Variants in HIPK4 observed in about 807,000 individuals in gnomAD.
HIPK4 encodes the protein homeodomain-interacting protein kinase 4.
Under a neutral mutation model 44.8 loss-of-function variants are expected in HIPK4, and 26 were observed. The ratio of observed to expected loss-of-function variants is 0.58; its 90% CI spans 0.43 to 0.80. HIPK4 has a LOEUF of 0.80. Ranked by LOEUF, HIPK4 falls within the 30% of genes least tolerant of loss-of-function variation. HIPK4 has a pLI of 0.00. For synonymous variants in HIPK4, 340 were observed against 355.5 expected (o/e 0.96, Z 0.49); for missense variants, 729 against 862.6 (o/e 0.85, Z 1.94).
At chr19:40,382,607 C>G (rs1053941884) in intron 2 of HIPK4, among the ~76,000 whole-genome samples, 2 of 152,132 alleles carry the variant, frequency 1.3e-5, no homozygotes, top group African/African-American at 4.8e-5. Context: ...CAGTTTCTCC[C>G]CCAGATCTAT....
Position 40,389,873 on chromosome 19 carries a change from G to A in HIPK4, c.30C>T (p.Cys10=). The A allele has an allele frequency of 1.9e-6, 3 of 1,611,012 alleles. No individual in the cohort carries two copies. The highest frequency in any genetic ancestry group is 2.5e-6 in the Non-Finnish European group (3 of 1,179,962). The part of the protein sequence containing the change: MSTIQSETD[C]YDIIEVLGKG... ...TGCCCAAGACCTCGATGATGTCGTA[G>A]CAGTCAGTCTCCGACTGGATGGTGG... Residue 10 remains cysteine, a synonymous_variant, in exon 1 of 4, where the codon TGC becomes TGT. Transcript: ENST00000291823. The surrounding 1 kb of genome is among the most constrained non-coding windows in gnomAD (Gnocchi z 4.6).
At chr19:40,382,609 C>T (rs1325398484) in intron 2 of HIPK4, among the ~76,000 whole-genome samples, 3 of 152,134 alleles carry the variant, frequency 2.0e-5, no homozygotes, top group South Asian at 2.1e-4. Context: ...GTTTCTCCCC[C>T]AGATCTATCT....
chr19:40,389,864 G>A lies in HIPK4; in HGVS notation c.39C>T (p.Ile13=), dbSNP rs747144085. ...TIQSETDCYD[I]IEVLGKGTFG... is the part of the protein sequence containing the mutation. ...AGGTCCCCTTGCCCAAGACCTCGAT[G>A]ATGTCGTAGCAGTCAGTCTCCGACT... is the stretch of plus-strand genomic sequence containing the variant. Residue 13 remains isoleucine (I), a synonymous_variant, in exon 1 of 4, where the codon ATC becomes ATT. Transcript: ENST00000291823. This position sits in a 1 kb window ranked among gnomAD's most constrained non-coding sequence, Gnocchi z 4.6. The A allele has an allele frequency of 1.1e-5, 18 of 1,611,996 alleles. No individual in the cohort carries two copies. In the Middle Eastern group the frequency reaches 8.2e-4, roughly 74 times the overall value.
rs1256398684 is a variant in HIPK4, at chr19:40,390,171, C to T, written c.-269G>A. ...CCAGGCCCCACCGAATGGGTTCCAG[C>T]GCTGTTGAGTGGCTCTGGTTCTGTT... On this transcript the variant is annotated 5_prime_UTR_variant, in exon 1 of 4. Transcript: ENST00000291823. 8 of 488,006 alleles carry T rather than the reference C, an allele frequency of 1.6e-5. No homozygotes were observed. Among genetic ancestry groups the T allele is most frequent in the South Asian group, 1.1e-4 (4 of 38,002 alleles). 30.2% of individuals were successfully genotyped at this position (488,006 alleles called of 1,614,324 possible). A position where few individuals can be genotyped will look rare whatever the true frequency, so the allele number is the denominator to read the frequency against.
chr19:40,380,584 C>G lies in HIPK4; in HGVS notation c.1407G>C (p.Ser469=). 2.5e-6 allele frequency: 4 copies of G among 1,612,900 alleles called. No homozygotes were observed. Among genetic ancestry groups the G allele is most frequent in the Non-Finnish European group, 3.4e-6 (4 of 1,179,904 alleles). Residue 469 remains serine, a synonymous_variant, in exon 3 of 4, where the codon TCG becomes TCC. Transcript: ENST00000291823. This position sits in a 1 kb window ranked among gnomAD's most constrained non-coding sequence, Gnocchi z 4.2. ...AAITGHHVPD[S]GPEPILAFYS... is the part of the protein sequence containing the mutation. ...AGAAGGCCAGGATGGGCTCAGGGCC[C>G]GAGTCGGGCACATGGTGGCCAGTGA...
At position 40,380,774 on chromosome 19, in the gene HIPK4, C is replaced by T. The variant is rs750550390; in HGVS notation, c.1217G>A (p.Ser406Asn). Reference sequence around the variant, plus strand: ...GAAGAAGGGGCTGCTGCCGGCCACACTGCCCATACCCGCAGCCTCCTTCTC... The same window carrying T: ...GAAGAAGGGGCTGCTGCCGGCCACATTGCCCATACCCGCAGCCTCCTTCTC... ...AEEKEAAGMG[S>N]VAGSSPFFRE... Residue 406 changes from serine (S) to asparagine (N), a missense_variant, in exon 3 of 4, where the codon AGT becomes AAT. Transcript: ENST00000291823. This position sits in a 1 kb window ranked among gnomAD's most constrained non-coding sequence, Gnocchi z 4.2. 1.9e-6 allele frequency: 3 copies of T among 1,614,212 alleles called. No homozygotes were observed. The highest frequency in any genetic ancestry group is 2.5e-6 in the Non-Finnish European group (3 of 1,180,014).
chr19:40,381,630 T>G (rs1246848758), intron 2 of HIPK4, among the ~76,000 whole-genome samples: 2 of 152,066 alleles, frequency 1.3e-5, no homozygotes, highest in Non-Finnish European at 2.9e-5. Flanking sequence ...AGACCCTTCT[T>G]GCTGTGAAAT....
chr19:40,390,145 C>G lies in HIPK4; in HGVS notation c.-243G>C, dbSNP rs956501531. 1.8e-6 allele frequency: 1 copy of G among 549,394 alleles called. No homozygotes were observed. The highest frequency in any genetic ancestry group is 3.0e-5 in the East Asian group (1 of 33,366). 34.0% of individuals were successfully genotyped at this position (549,394 alleles called of 1,614,324 possible). On this transcript the variant is annotated 5_prime_UTR_variant, in exon 1 of 4. Transcript: ENST00000291823. ...ACCCTCCTGGCTTGGGATGAGGGGC[C>G]CCAGGCCCCACCGAATGGGTTCCAG...
At position 40,386,339 on chromosome 19, in the gene HIPK4, G is replaced by A. The variant is rs919279426; in HGVS notation, c.466-2200C>T. Among the ~76,000 whole-genome samples, 7 of 152,286 alleles carry A rather than the reference G, an allele frequency of 4.6e-5. No individual in the cohort carries two copies. In the East Asian group the frequency reaches 1.2e-3, roughly 25 times the overall value. On this transcript the variant is annotated intron_variant, in intron 1 of 3. Transcript: ENST00000291823. ...CCCAAAGTGTTGGGATTACAGGCGT[G>A]AGCCACGGCGCCCAGCCCTTTTTTC... is the stretch of plus-strand genomic sequence containing the variant.
Position 40,380,866 on chromosome 19 carries a change from C to A in HIPK4, c.1125G>T (p.Val375=). Residue 375 remains valine (V), a synonymous_variant, in exon 3 of 4, where the codon GTG becomes GTT. Transcript: ENST00000291823. The surrounding 1 kb of genome is among the most constrained non-coding windows in gnomAD (Gnocchi z 4.2). ...CGACGGGCGTGGGGGGCTTCCCCTC[C>A]ACTTGCAGCGAGAGGCGGTAGCTGC... ...SLRSYRLSLQ[V]EGKPPTPVVA... is the part of the protein sequence containing the mutation. The A allele has an allele frequency of 1.2e-6, 2 of 1,608,382 alleles. No homozygotes were observed. The highest frequency in any genetic ancestry group is 1.7e-6 in the Non-Finnish European group (2 of 1,175,292).
At position 40,390,144 on chromosome 19, in the gene HIPK4, C is replaced by G. The variant is rs2079382291; in HGVS notation, c.-242G>C. The G allele has an allele frequency of 1.8e-6, 1 of 547,506 alleles. No individual in the cohort carries two copies. Among genetic ancestry groups the G allele is most frequent in the Non-Finnish European group, 3.3e-6 (1 of 304,378 alleles). The allele number at this position is 547,506 out of a possible 1,614,324, so 33.9% of individuals were successfully genotyped here. ...AACCCTCCTGGCTTGGGATGAGGGG[C>G]CCCAGGCCCCACCGAATGGGTTCCA... is the stretch of plus-strand genomic sequence containing the variant. On this transcript the variant is annotated 5_prime_UTR_variant, in exon 1 of 4. Transcript: ENST00000291823.
In HIPK4 at chr19:40,389,879, A is replaced by G. The variant is rs2145721411; in HGVS notation, c.24T>C (p.Thr8=). 1.9e-6 allele frequency: 3 copies of G among 1,609,848 alleles called. No individual in the cohort carries two copies. Among genetic ancestry groups the G allele is most frequent in the Non-Finnish European group, 2.5e-6 (3 of 1,179,754 alleles). ...AGACCTCGATGATGTCGTAGCAGTC[A>G]GTCTCCGACTGGATGGTGGACATGG... is the stretch of plus-strand genomic sequence containing the variant. MSTIQSE[T]DCYDIIEVLG... is the part of the protein sequence containing the mutation. The change falls in exon 1 of 4, where the codon ACT becomes ACC. Residue 8 remains threonine (T), a synonymous_variant. Coordinates refer to ENST00000291823, the MANE Select transcript of HIPK4 (RefSeq NM_144685.5). This position sits in a 1 kb window ranked among gnomAD's most constrained non-coding sequence, Gnocchi z 4.6.
chr19:40,381,317 T>C, intron 2 of HIPK4, 149 bp from the exon 3 acceptor site: 1 of 668,526 alleles, frequency 1.5e-6, no homozygotes, highest in Non-Finnish European at 2.5e-6. Flanking sequence ...AGGGCCACCC[T>C]GGATCCGTCA....
At chr19:40,386,164 G>T (rs1414999675) in intron 1 of HIPK4, among the ~76,000 whole-genome samples, 1 of 152,082 alleles carries the variant, frequency 6.6e-6, no homozygotes, top group African/African-American at 2.4e-5. Context: ...CCACCTACTG[G>T]ATTCAAGTGA....
chr19:40,380,644 C>T lies in HIPK4; in HGVS notation c.1347G>A (p.Ala449=), dbSNP rs762602481. The T allele has an allele frequency of 4.2e-5, 68 of 1,613,724 alleles. No individual in the cohort carries two copies. Among genetic ancestry groups the T allele is most frequent in the Non-Finnish European group, 5.3e-5 (63 of 1,179,952 alleles). ...HGLWGETCTN[A]VSDMMVPLKA... ...TGAGGGGGACCATCATGTCGGAGAC[C>T]GCATTGGTGCAGGTCTCACCCCACA... The change falls in exon 3 of 4, where the codon GCG becomes GCA. Residue 449 remains alanine, a synonymous_variant. Transcript: ENST00000291823. The surrounding 1 kb of genome is among the most constrained non-coding windows in gnomAD (Gnocchi z 4.2).
At chr19:40,383,576 C>G (rs1263555384) in intron 2 of HIPK4, among the ~76,000 whole-genome samples, 1 of 152,052 alleles carries the variant, frequency 6.6e-6, no homozygotes, top group Non-Finnish European at 1.5e-5. Context: ...TACCACCGTG[C>G]CCAGCTGATT....
Position 40,380,171 on chromosome 19 carries a change from G to T in HIPK4, c.1668+152C>A. 1 of 1,015,368 alleles carries T rather than the reference G, an allele frequency of 9.8e-7. No homozygotes were observed. Among genetic ancestry groups the T allele is most frequent in the Non-Finnish European group, 1.4e-6 (1 of 698,582 alleles). 62.9% of individuals were successfully genotyped at this position (1,015,368 alleles called of 1,614,324 possible). A position where few individuals can be genotyped will look rare whatever the true frequency, so the allele number is the denominator to read the frequency against. ...CCTTATCATATCTTGACGGTATTAG[G>T]TGTGTGCTGAGCCTCCTAAGTCCCT... is the stretch of plus-strand genomic sequence containing the variant. On this transcript the variant is annotated intron_variant, in intron 3 of 3. Coordinates refer to ENST00000291823, the MANE Select transcript of HIPK4 (RefSeq NM_144685.5). The surrounding 1 kb of genome is among the most constrained non-coding windows in gnomAD (Gnocchi z 4.2).
chr19:40,381,016 C>T lies in HIPK4; in HGVS notation c.975G>A (p.Lys325=). The T allele has an allele frequency of 1.2e-6, 2 of 1,613,534 alleles. No homozygotes were observed. The highest frequency in any genetic ancestry group is 1.3e-5 in the African/African-American group (1 of 75,064). ...CGTGTGACTCCCAGGTCAGCATGCG[C>T]TTGATCAGCTCCACCATGCTCTTGA... The part of the protein sequence containing the change: ...ADLKSMVELI[K]RMLTWESHER... The change falls in exon 3 of 4, where the codon AAG becomes AAA. Residue 325 remains lysine, a synonymous_variant. Transcript: ENST00000291823.
In HIPK4 at chr19:40,380,557, G is replaced by A. The variant is rs377086371; in HGVS notation, c.1434C>T (p.Tyr478=). Residue 478 remains tyrosine, a synonymous_variant, in exon 3 of 4, where the codon TAC becomes TAT. Coordinates refer to ENST00000291823, the MANE Select transcript of HIPK4 (RefSeq NM_144685.5). This position sits in a 1 kb window ranked among gnomAD's most constrained non-coding sequence, Gnocchi z 4.2. ...TGTGGCGGCCTGCCAGGCGGCTGCT[G>A]TAGAAGGCCAGGATGGGCTCAGGGC... The part of the protein sequence containing the change: ...DSGPEPILAF[Y]SSRLAGRHKA... 1.2e-5 allele frequency: 20 copies of A among 1,611,948 alleles called. No homozygotes were observed. Among genetic ancestry groups the A allele is most frequent in the Admixed American group, 1.7e-5 (1 of 60,000 alleles).
Sources: allele counts gnomAD v4.1 joint callset (sites outside exome capture counted in the v4.1 genomes callset), GRCh38; gene constraint gnomAD v4.1.1; non-coding constraint Gnocchi (gnomAD v3.1); transcripts MANE v1.5; gene names NCBI Gene and HGNC (gene_info 2026-07-23, HGNC 2026-07-21).